Variants in ARMC8 observed in about 807,000 individuals in gnomAD.
ARMC8 encodes armadillo repeat-containing protein 8.
Under a neutral mutation model 99.3 loss-of-function variants are expected in ARMC8, and 20 were observed. The observed-to-expected ratio is 0.20, with a 90% CI of 0.14 to 0.29. ARMC8 has a LOEUF of 0.29. ARMC8 is among the 10% of genes least tolerant of loss of function. ARMC8 has a pLI of 1.00. For missense variants in ARMC8, 569 were observed against 809.5 expected, an observed-to-expected ratio of 0.70 and a Z score of 3.60; for synonymous variants, 263 against 278.3, an observed-to-expected ratio of 0.95 and a Z score of 0.55.
At chr3:138,260,349 C>T (rs1205439924) in intron 12 of ARMC8, among the ~76,000 whole-genome samples, 1 of 152,188 alleles carries the variant, frequency 6.6e-6, no homozygotes, top group East Asian at 1.9e-4. Flanking sequence ...ATAATCATTA[C>T]TGTATCTCCT....
intron 1 of ARMC8, chr3:138,188,236 C>G: frequency 7.9e-6 from 4 of 506,928 alleles, no homozygotes; most frequent in Non-Finnish European, 1.3e-5. Context: ...GGCTCTGAGT[C>G]AGAGGAACTC....
At chr3:138,231,351 G>A (rs2046016914) in intron 6 of ARMC8, among the ~76,000 whole-genome samples, 1 of 151,968 alleles carries the variant, frequency 6.6e-6, no homozygotes, top group Non-Finnish European at 1.5e-5. Flanking sequence ...CTCACATTAA[G>A]CTAAGATTAA....
chr3:138,284,389 CT>C (rs763205943), intron 18 of ARMC8, 41 bp from the exon 19 acceptor site: 2 of 1,507,706 alleles, frequency 1.3e-6, no homozygotes, highest in Non-Finnish European at 1.8e-6. Context: ...GACTCTGGGA[CT>C]TCAGAGCTTT....
At chr3:138,206,184 A>G (rs538698755) in intron 1 of ARMC8, among the ~76,000 whole-genome samples, 2 of 152,364 alleles carry the variant, frequency 1.3e-5, no homozygotes, top group Admixed American at 1.3e-4. Flanking sequence ...CATAAAGTTT[A>G]TAGTTGAAAA....
At chr3:138,271,798 C>CTTTTTTT (rs776320900) in intron 16 of ARMC8, among the ~76,000 whole-genome samples, 3 of 136,134 alleles carry the variant, frequency 2.2e-5, no homozygotes, top group African/African-American at 8.5e-5. Context: ...TTTTTTCTTT[C>CTTTTTTT]TTTTTTTTTT....
At chr3:138,277,121 C>G (rs1453637931) in intron 18 of ARMC8, among the ~76,000 whole-genome samples, 1 of 152,020 alleles carries the variant, frequency 6.6e-6, no homozygotes, top group East Asian at 1.9e-4. Flanking sequence ...AGAAATAGAC[C>G]CACACATATA....
rs78573658 is a variant in ARMC8, at chr3:138,293,310, G to A, written c.1989-2549G>A. ...TAATCCCAGCACTTTGGGAGGCCGA[G>A]GTAAGCGGATTATGAGGTCAGGAGT... is the stretch of plus-strand genomic sequence containing the variant. On this transcript the variant is annotated intron_variant, in intron 21 of 21. Coordinates refer to ENST00000469044, the MANE Select transcript of ARMC8 (RefSeq NM_001363941.2). 7.7e-3 allele frequency among the ~76,000 whole-genome samples: 1,168 copies of A among 152,272 alleles called. 38 individuals carry two copies. In the East Asian group the frequency reaches 0.087, roughly 11 times the overall value.
chr3:138,264,754 C>T lies in ARMC8; in HGVS notation c.1299+542C>T, dbSNP rs112210764. Among the ~76,000 whole-genome samples the T allele has an allele frequency of 4.8e-3, 717 of 148,496 alleles. 5 individuals carry two copies. Among genetic ancestry groups the T allele is most frequent in the Non-Finnish European group, 8.4e-3 (549 of 65,614 alleles). ...TCTTTTATTAACTAAGCTTTAGTTA[C>T]TCATCTGATCTCCCTATTTGTTTAA... On this transcript the variant is annotated intron_variant, in intron 14 of 21. Coordinates refer to ENST00000469044, the MANE Select transcript of ARMC8 (RefSeq NM_001363941.2).
chr3:138,255,945 G>A (rs751746836), intron 12 of ARMC8, among the ~76,000 whole-genome samples: 4 of 152,148 alleles, frequency 2.6e-5, no homozygotes, highest in Non-Finnish European at 5.9e-5. Context: ...TCGCCTGGGC[G>A]ACAGAGTGAG....
Position 138,221,907 on chromosome 3 carries a change from T to G in ARMC8, c.123-19T>G. ...AGTGCTGTCTCAACATACTTTATTT[T>G]TTCTTCCCCTTAATTCAGAGACATG... is the stretch of plus-strand genomic sequence containing the variant. On this transcript the variant is annotated intron_variant, in intron 2 of 21. Transcript: ENST00000469044. The G allele has an allele frequency of 1.3e-6, 2 of 1,595,306 alleles. No individual in the cohort carries two copies. The highest frequency in any genetic ancestry group is 1.7e-6 in the Non-Finnish European group (2 of 1,163,500).
intron 2 of ARMC8, among the ~76,000 whole-genome samples, chr3:138,219,927 G>T (rs540263488): frequency 6.6e-6 from 1 of 152,170 alleles, no homozygotes; most frequent in African/African-American, 2.4e-5. Context: ...GGTTCATTTG[G>T]TAATGTTAGG....
chr3:138,252,408 A>C (rs965241315), intron 12 of ARMC8, among the ~76,000 whole-genome samples: 4 of 151,354 alleles, frequency 2.6e-5, no homozygotes, highest in African/African-American at 9.7e-5. Context: ...TTACAGAAAA[A>C]GTTTGCCCAC....
intron 16 of ARMC8, 116 bp downstream of exon 16, chr3:138,270,248 T>C: frequency 1.2e-6 from 1 of 802,712 alleles, no homozygotes; most frequent in Non-Finnish European, 1.9e-6. Context: ...AAAATCTGGC[T>C]ATTTTGTTCT....
intron 1 of ARMC8, among the ~76,000 whole-genome samples, chr3:138,195,737 G>C (rs994164286): frequency 1.3e-5 from 2 of 151,976 alleles, no homozygotes; most frequent in Admixed American, 1.3e-4. Context: ...TTGGAGAGCA[G>C]CTGCCTTCAC....
At chr3:138,284,097 G>A (rs1318188933) in intron 18 of ARMC8, among the ~76,000 whole-genome samples, 1 of 152,214 alleles carries the variant, frequency 6.6e-6, no homozygotes, top group Non-Finnish European at 1.5e-5. Context: ...GCTTCTCTTA[G>A]AAATGAGATT....
intron 1 of ARMC8, among the ~76,000 whole-genome samples, chr3:138,197,356 C>CT (rs951664186): frequency 6.6e-5 from 10 of 152,160 alleles, no homozygotes; most frequent in South Asian, 2.1e-4. Flanking sequence ...AAATAAAGCC[C>CT]TTTTTTATCA....
chr3:138,273,260 T>C, intron 17 of ARMC8, 144 bp downstream of exon 17: 1 of 876,108 alleles, frequency 1.1e-6, no homozygotes. Flanking sequence ...GGAGTTGATG[T>C]CTAAACCTGT....
intron 1 of ARMC8, among the ~76,000 whole-genome samples, chr3:138,193,619 A>G (rs1421032452): frequency 2.0e-5 from 3 of 152,164 alleles, no homozygotes; most frequent in African/African-American, 4.8e-5. Flanking sequence ...GGTATTTGCA[A>G]ATATTTTCTC....
chr3:138,267,295 C>G, intron 15 of ARMC8, 54 bp downstream of exon 15: 1 of 1,111,066 alleles, frequency 9.0e-7, no homozygotes. Flanking sequence ...AGAGCTTACT[C>G]AAATACTTTT....
Sources: allele counts gnomAD v4.1 joint callset (sites outside exome capture counted in the v4.1 genomes callset), GRCh38; gene constraint gnomAD v4.1.1; transcripts MANE v1.5; gene names NCBI Gene and HGNC (gene_info 2026-07-23, HGNC 2026-07-21).